The following FAM98B variants were observed in gnomAD, a reference collection of about 807,000 sequenced individuals.
FAM98B encodes the protein tRNA splicing ligase complex subunit 3B, also known as tRNA-splicing ligase complex subunit FAM98B.
A neutral mutation model predicts 43.9 loss-of-function variants in FAM98B; 32 were observed. The observed-to-expected ratio is 0.73, with a 90% confidence interval of 0.55 to 0.98. The LOEUF (loss-of-function observed/expected upper bound fraction) is 0.98. Ranked by LOEUF, FAM98B falls within the 50% of genes least tolerant of loss-of-function variation. FAM98B has a pLI of 0.00. For synonymous variants in FAM98B, 190 were observed against 174.0 expected (o/e 1.09, Z -0.72); for missense variants, 514 against 522.9 (o/e 0.98, Z 0.17).
In FAM98B at chr15:38,484,961, A is replaced by G; in HGVS notation, c.*302A>G. Reference sequence around the variant, plus strand: ...AAATATTTATTACCATCAGACTTGGAAAATGGAAAGTATTTTATTGTCATG... The same window carrying G: ...AAATATTTATTACCATCAGACTTGGGAAATGGAAAGTATTTTATTGTCATG... On this transcript the variant is annotated 3_prime_UTR_variant, in exon 8 of 8. Transcript: ENST00000397609. The G allele has an allele frequency of 3.7e-6, 1 of 272,142 alleles. No individual in the cohort carries two copies. Among genetic ancestry groups the G allele is most frequent in the Non-Finnish European group, 6.7e-6 (1 of 149,608 alleles). 16.9% of individuals were successfully genotyped at this position (272,142 alleles called of 1,614,324 possible). A position where few individuals can be genotyped will look rare whatever the true frequency, so the allele number is the denominator to read the frequency against.
At chr15:38,461,238 A>C (rs1416696480) in intron 1 of FAM98B, among the ~76,000 whole-genome samples, 1 of 152,224 alleles carries the variant, frequency 6.6e-6, no homozygotes, top group Non-Finnish European at 1.5e-5. Flanking sequence ...TAAGATGTTT[A>C]CTATGAAATC....
intron 6 of FAM98B, among the ~76,000 whole-genome samples, chr15:38,478,297 T>C (rs549775125): frequency 2.0e-5 from 3 of 152,102 alleles, no homozygotes; most frequent in Non-Finnish European, 4.4e-5. Flanking sequence ...GGACAAGGAG[T>C]TTGTGTTTTT....
At chr15:38,473,438 A>T in intron 4 of FAM98B, 67 bp from the exon 5 acceptor site, 1 of 1,172,486 alleles carries the variant, frequency 8.5e-7, no homozygotes, top group Non-Finnish European at 1.2e-6. Context: ...GCGATACTTT[A>T]AACAAGCATA....
At position 38,455,286 on chromosome 15, in the gene FAM98B, A is replaced by G. The variant is rs190722379; in HGVS notation, c.71+1054A>G. 5.3e-5 allele frequency among the ~76,000 whole-genome samples: 8 copies of G among 152,342 alleles called. No homozygotes were observed. In the East Asian group the frequency reaches 1.5e-3, roughly 29 times the overall value. ...ATAGTTGAGTCATACAGTGCACATT[A>G]AATAAAGAGCTTGGAGCCATCTGCA... On this transcript the variant is annotated intron_variant, in intron 1 of 7. Transcript: ENST00000397609.
intron 6 of FAM98B, among the ~76,000 whole-genome samples, chr15:38,476,499 G>A (rs1370188017): frequency 6.7e-6 from 1 of 150,284 alleles, no homozygotes; most frequent in Non-Finnish European, 1.5e-5. Context: ...AGATAGACTC[G>A]CTTAAGTTGT....
intron 6 of FAM98B, among the ~76,000 whole-genome samples, chr15:38,474,545 A>G (rs975917618): frequency 1.3e-5 from 2 of 152,220 alleles, no homozygotes; most frequent in Non-Finnish European, 2.9e-5. Flanking sequence ...ATGCCAGGAT[A>G]TGCATAAAAG....
intron 7 of FAM98B, chr15:38,481,673 A>G: frequency 7.3e-7 from 1 of 1,375,238 alleles, no homozygotes; most frequent in African/African-American, 1.4e-5. Context: ...TTTCTGAATT[A>G]GAGGAATTAT....
chr15:38,480,279 A>G (rs1890263724), intron 6 of FAM98B, among the ~76,000 whole-genome samples: 1 of 152,192 alleles, frequency 6.6e-6, no homozygotes, highest in Non-Finnish European at 1.5e-5. Context: ...TATTACAGAT[A>G]GCCACCAGGT....
intron 3 of FAM98B, among the ~76,000 whole-genome samples, chr15:38,470,007 G>A (rs1013734286): frequency 6.6e-6 from 1 of 151,882 alleles, no homozygotes; most frequent in Non-Finnish European, 1.5e-5. Context: ...TTAGTTAGTT[G>A]TTTTTTCTCA....
intron 4 of FAM98B, among the ~76,000 whole-genome samples, chr15:38,472,226 T>C (rs551374201): frequency 1.3e-5 from 2 of 152,146 alleles, no homozygotes; most frequent in Non-Finnish European, 2.9e-5. Flanking sequence ...CAAGTATACA[T>C]TGAGAATTCC....
chr15:38,472,862 G>T (rs1890147306), intron 4 of FAM98B, among the ~76,000 whole-genome samples: 1 of 152,114 alleles, frequency 6.6e-6, no homozygotes, highest in Non-Finnish European at 1.5e-5. Flanking sequence ...CTCCAGTCAG[G>T]AAGGTAAATT....
chr15:38,466,182 TTG>T (rs35919139), intron 3 of FAM98B, among the ~76,000 whole-genome samples: 42,389 of 147,406 alleles, frequency 0.29, 6,207 homozygotes, highest in Non-Finnish European at 0.32. Context: ...GAGATGAAAT[TTG>T]TGTGTGTGTG....
intron 4 of FAM98B, among the ~76,000 whole-genome samples, chr15:38,471,796 A>C (rs564840402): frequency 7.2e-5 from 11 of 152,292 alleles, no homozygotes; most frequent in Admixed American, 5.9e-4. Context: ...GTGTATTTAT[A>C]GTGGTATAAT....
intron 1 of FAM98B, among the ~76,000 whole-genome samples, chr15:38,458,568 G>T (rs796655127): frequency 6.6e-6 from 1 of 152,162 alleles, no homozygotes; most frequent in Non-Finnish European, 1.5e-5. Context: ...TCTGGGTATT[G>T]TTGGTCTGGC....
chr15:38,468,916 G>A (rs533294612), intron 3 of FAM98B, among the ~76,000 whole-genome samples: 88 of 152,234 alleles, frequency 5.8e-4, no homozygotes, highest in Non-Finnish European at 1.1e-3. Flanking sequence ...ATTTATTTAT[G>A]TATTTTTTGA....
At chr15:38,460,409 GT>G (rs141651348) in intron 1 of FAM98B, among the ~76,000 whole-genome samples, 10,140 of 147,536 alleles carry the variant, frequency 0.069, 510 homozygotes, top group East Asian at 0.17. Context: ...AATATTGAGA[GT>G]TTTTTTTTTT....
chr15:38,468,396 TA>T (rs1246011862), intron 3 of FAM98B, among the ~76,000 whole-genome samples: 1 of 152,034 alleles, frequency 6.6e-6, no homozygotes, highest in Non-Finnish European at 1.5e-5. Flanking sequence ...AGCAAATTTT[TA>T]AAAAATATTT....
At chr15:38,474,926 C>T (rs1890175675) in intron 6 of FAM98B, among the ~76,000 whole-genome samples, 1 of 152,156 alleles carries the variant, frequency 6.6e-6, no homozygotes, top group South Asian at 2.1e-4. Context: ...GGATCATTGT[C>T]CTGTGTTCCT....
chr15:38,480,616 C>T (rs1224685419), intron 6 of FAM98B, among the ~76,000 whole-genome samples: 1 of 151,782 alleles, frequency 6.6e-6, no homozygotes, highest in African/African-American at 2.4e-5. Flanking sequence ...ATAATAAAAA[C>T]CAACCACTCT....
Sources: gnomAD v4.1 joint callset for allele counts (sites outside exome capture counted in the v4.1 genomes callset) on GRCh38, gnomAD v4.1.1 for gene constraint, MANE v1.5 for transcripts, NCBI Gene and HGNC (gene_info 2026-07-23, HGNC 2026-07-21) for gene names.